The following SLCO3A1 variants were observed in gnomAD, a reference collection of about 807,000 sequenced individuals.
The protein encoded by SLCO3A1 is solute carrier organic anion transporter family member 3A1, also known as PGE1 transporter.
In SLCO3A1, 27 loss-of-function variants were observed where a neutral mutation model predicts 63.1. The ratio of observed to expected loss-of-function variants is 0.43; its 90% CI spans 0.32 to 0.59. SLCO3A1 has a LOEUF of 0.59. Ranked by LOEUF, SLCO3A1 falls within the 20% of genes least tolerant of loss-of-function variation. The pLI is 0.09. For missense variants in SLCO3A1, 773 were observed against 945.8 expected, an observed-to-expected ratio of 0.82 and a Z score of 2.40; for synonymous variants, 473 against 409.9, an observed-to-expected ratio of 1.15 and a Z score of -1.86.
rs763261839 is a variant in SLCO3A1 at position 91,967,525 on chromosome 15, G to A, written c.646+51067G>A. ...TGAGGTGCCGTTGTGGGGACATAAC[G>A]CAGAAGCGTTGCCACAGGATAAAGA... On this transcript the variant is annotated intron_variant, in intron 2 of 9. Transcript: ENST00000318445. The surrounding 1 kb of genome is among the most constrained non-coding windows in gnomAD (Gnocchi z 4.4). Among the ~76,000 whole-genome samples the A allele has an allele frequency of 2.2e-4, 33 of 152,296 alleles. No individual in the cohort carries two copies. Among genetic ancestry groups the A allele is most frequent in the Non-Finnish European group, 4.0e-4 (27 of 68,022 alleles).
intron 2 of SLCO3A1, among the ~76,000 whole-genome samples, chr15:91,981,685 C>A (rs2045989596): frequency 6.6e-6 from 1 of 152,154 alleles, no homozygotes; most frequent in Non-Finnish European, 1.5e-5. Context: ...AATCCGAAAA[C>A]CCTTTACAAA....
chr15:91,891,534 G>A (rs1597095134), intron 1 of SLCO3A1, among the ~76,000 whole-genome samples: 1 of 152,242 alleles, frequency 6.6e-6, no homozygotes, highest in East Asian at 1.9e-4. Flanking sequence ...TTACGTAGGG[G>A]TTCTAGGTTA....
chr15:92,169,903 A>G (rs1178834930), downstream of SLCO3A1, among the ~76,000 whole-genome samples: 1 of 152,262 alleles, frequency 6.6e-6, no homozygotes, highest in African/African-American at 2.4e-5. Flanking sequence ...CCAGGCTTTT[A>G]GGAACAGAAT....
intron 2 of SLCO3A1, among the ~76,000 whole-genome samples, chr15:92,082,084 A>G (rs1395785514): frequency 3.3e-5 from 5 of 152,234 alleles, no homozygotes; most frequent in East Asian, 1.9e-4. Context: ...TTTGTGCTCA[A>G]TAAATGGTCA....
intron 2 of SLCO3A1, among the ~76,000 whole-genome samples, chr15:92,060,828 G>T (rs751031305): frequency 6.6e-6 from 1 of 152,078 alleles, no homozygotes; most frequent in Non-Finnish European, 1.5e-5. Flanking sequence ...TTTTATTTTT[G>T]TTCACTTTTT....
intron 2 of SLCO3A1, among the ~76,000 whole-genome samples, chr15:91,987,385 C>T (rs886860905): frequency 4.6e-5 from 7 of 152,208 alleles, no homozygotes; most frequent in South Asian, 4.2e-4. Flanking sequence ...GGGGATACAA[C>T]GGTGAACAAG....
intron 2 of SLCO3A1, among the ~76,000 whole-genome samples, chr15:92,030,914 A>G (rs35986208): frequency 0.14 from 20,686 of 151,788 alleles, 1,709 homozygotes; most frequent in East Asian, 0.4. Context: ...ATGCCAACCT[A>G]TGGAGTTCCC....
In SLCO3A1 at chr15:91,964,707, A is replaced by G. The variant is rs115664134; in HGVS notation, c.646+48249A>G. Among the ~76,000 whole-genome samples, 726 of 152,200 alleles carry G rather than the reference A, an allele frequency of 4.8e-3. 5 individuals carry two copies. The highest frequency in any genetic ancestry group is 0.017 in the African/African-American group (704 of 41,508). On this transcript the variant is annotated intron_variant, in intron 2 of 9. Transcript: ENST00000318445. ...GAGCAGTGTGTTGGGAAGAAGCAGA[A>G]GCAAGCTGGGTACTAACATCCTTTA...
chr15:91,981,497 C>G (rs1046523307), intron 2 of SLCO3A1, among the ~76,000 whole-genome samples: 5 of 152,154 alleles, frequency 3.3e-5, no homozygotes, highest in African/African-American at 1.2e-4. Flanking sequence ...ATGGCTTTTT[C>G]CTCTAGTTCT....
At chr15:92,151,443 T>A (rs2048304476) in intron 9 of SLCO3A1, among the ~76,000 whole-genome samples, 1 of 152,224 alleles carries the variant, frequency 6.6e-6, no homozygotes, top group Non-Finnish European at 1.5e-5. Context: ...TTTTCCAAAC[T>A]GACTTAGTTT....
rs113632987 is a variant in SLCO3A1 at position 91,943,060 on chromosome 15, C to T, written c.646+26602C>T. ...ACAGAGCACACTGAAAACCTCAGGT[C>T]TAGTCTCATTTCCATTTTATAGAAA... On this transcript the variant is annotated intron_variant, in intron 2 of 9. Transcript: ENST00000318445. Among the ~76,000 whole-genome samples the T allele has an allele frequency of 6.7e-3, 1,022 of 152,352 alleles. 14 individuals carry two copies. Among genetic ancestry groups the T allele is most frequent in the African/African-American group, 0.023 (958 of 41,578 alleles).
In SLCO3A1 at chr15:92,162,963, G is replaced by C. The variant is rs199572762; in HGVS notation, c.1961G>C (p.Arg654Pro). The change falls in exon 10 of 10, where the codon CGC (arginine) becomes CCC (proline). Residue 654 changes from arginine to proline, a missense_variant. This residue lies in a region of SLCO3A1 where 139 missense variants were observed against 131.4 expected (regional missense o/e 1.06). Coordinates refer to ENST00000318445, the MANE Select transcript of SLCO3A1 (RefSeq NM_013272.4). ...TWQCLRKNYKRYIKNHEGGLS... is the reference protein window; with the variant it reads ...TWQCLRKNYKPYIKNHEGGLS... ...CAGTGCCTGAGGAAAAACTATAAAC[G>C]CTACATCAAAAACCACGAGGGCGGG... is the stretch of plus-strand genomic sequence containing the variant. 8.7e-6 allele frequency: 14 copies of C among 1,614,074 alleles called. No individual in the cohort carries two copies. Among genetic ancestry groups the C allele is most frequent in the East Asian group, 2.2e-5 (1 of 44,864 alleles).
chr15:92,168,591 G>T (rs928513277), downstream of SLCO3A1, among the ~76,000 whole-genome samples: 5 of 152,168 alleles, frequency 3.3e-5, no homozygotes. Context: ...CATGTTTGGG[G>T]GACCCTAGCG....
chr15:92,063,682 T>G (rs1190006979), intron 2 of SLCO3A1, among the ~76,000 whole-genome samples: 1 of 152,088 alleles, frequency 6.6e-6, no homozygotes, highest in Non-Finnish European at 1.5e-5. Context: ...GAACCCTGTC[T>G]CTACTAAAAA....
intron 2 of SLCO3A1, among the ~76,000 whole-genome samples, chr15:91,920,247 A>T (rs1597121101): frequency 6.6e-6 from 1 of 152,116 alleles, no homozygotes; most frequent in South Asian, 2.1e-4. Context: ...TATGTCTGGG[A>T]TCTGCTCACG....
rs1443309052 is a variant in SLCO3A1 at position 91,854,876 on chromosome 15, T to C, written c.180+788T>C. 6.6e-6 allele frequency among the ~76,000 whole-genome samples: 1 copy of C among 152,188 alleles called. No homozygotes were observed. The highest frequency in any genetic ancestry group is 1.5e-5 in the Non-Finnish European group (1 of 68,030). On this transcript the variant is annotated intron_variant, in intron 1 of 9. Transcript: ENST00000318445. The surrounding 1 kb of genome is among the most constrained non-coding windows in gnomAD (Gnocchi z 6.4). ...GGGATGTTAATGCTCAGAGGGCCCA[T>C]GGGTGCGTAACATTTCAGAGGAAAC...
At chr15:92,121,420 T>A (rs2047861082) in intron 5 of SLCO3A1, among the ~76,000 whole-genome samples, 1 of 152,206 alleles carries the variant, frequency 6.6e-6, no homozygotes, top group South Asian at 2.1e-4. Context: ...GGTTTCTGGC[T>A]TGGAGAGCTT....
Position 92,163,325 on chromosome 15 carries a change from G to C in SLCO3A1, c.*190G>C. The C allele has an allele frequency of 8.0e-7, 1 of 1,249,650 alleles. No individual in the cohort carries two copies. Among genetic ancestry groups the C allele is most frequent in the East Asian group, 3.3e-5 (1 of 30,242 alleles). The allele number at this position is 1,249,650 out of a possible 1,614,324, so 77.4% of individuals were successfully genotyped here. On this transcript the variant is annotated 3_prime_UTR_variant, in exon 10 of 10. Coordinates refer to ENST00000318445, the MANE Select transcript of SLCO3A1 (RefSeq NM_013272.4). ...AGAGCCAGACAGGATTCAGAATAAG[G>C]AGAGAATGACATCGTGCGGCAGGGT...
At chr15:91,962,144 G>A (rs897430208) in intron 2 of SLCO3A1, among the ~76,000 whole-genome samples, 7 of 152,142 alleles carry the variant, frequency 4.6e-5, no homozygotes, top group East Asian at 1.9e-4. Context: ...AGACTGCAGC[G>A]GGAGGTAGCA....
Sources: allele counts gnomAD v4.1 joint callset (sites outside exome capture counted in the v4.1 genomes callset), GRCh38; gene constraint gnomAD v4.1.1; regional missense constraint gnomAD v4.1.1; non-coding constraint Gnocchi (gnomAD v3.1); transcripts MANE v1.5; gene names NCBI Gene and HGNC (gene_info 2026-07-23, HGNC 2026-07-21).